Variants in SMIM47 observed in about 807,000 individuals in gnomAD.
SMIM47 encodes the protein CTD-2568A17.1.
chr19:50,785,755 T>G, the SMIM47 span: 1 of 398,434 alleles, frequency 2.5e-6, no homozygotes, highest in Non-Finnish European at 4.4e-6. Context: ...TTATCTGGCC[T>G]CAGAGCGATG....
At chr19:50,785,758 G>A in the SMIM47 span, 10 of 398,370 alleles carry the variant, frequency 2.5e-5, no homozygotes, top group Non-Finnish European at 4.4e-5. Context: ...TCTGGCCTCA[G>A]AGCGATGGCA....
the SMIM47 span, chr19:50,785,856 T>C: frequency 2.5e-6 from 1 of 398,656 alleles, no homozygotes; most frequent in Non-Finnish European, 4.4e-6. Flanking sequence ...TATACAGAGA[T>C]GTGGGAGAGA....
At chr19:50,786,041 G>A in the SMIM47 span, 1 of 398,998 alleles carries the variant, frequency 2.5e-6, no homozygotes, top group East Asian at 3.6e-5. Context: ...TCCCCTCCCT[G>A]CCCTCTGCCC....
chr19:50,785,961 G>A, the SMIM47 span: 1 of 398,916 alleles, frequency 2.5e-6, no homozygotes, highest in Non-Finnish European at 4.4e-6. Context: ...GAAATAGATG[G>A]AGGTCAGGAT....
the SMIM47 span, chr19:50,785,832 G>A: frequency 2.5e-6 from 1 of 398,714 alleles, no homozygotes; most frequent in African/African-American, 2.1e-5. Flanking sequence ...GCCTGAGAGA[G>A]GAAAACAGGG....
chr19:50,785,955 T>C, the SMIM47 span: 3 of 398,634 alleles, frequency 7.5e-6, no homozygotes, highest in Non-Finnish European at 1.3e-5. Context: ...GTTGAAGAAA[T>C]AGATGGAGGT....
At chr19:50,785,731 G>A in the SMIM47 span, 2 of 397,742 alleles carry the variant, frequency 5.0e-6, no homozygotes, top group African/African-American at 2.1e-5. Flanking sequence ...CAGGATGTGC[G>A]GATTCAGTTA....
chr19:50,785,852 G>A, the SMIM47 span: 1 of 398,690 alleles, frequency 2.5e-6, no homozygotes. Flanking sequence ...GACATATACA[G>A]AGATGTGGGA....
chr19:50,785,798 G>A, the SMIM47 span: 2 of 398,532 alleles, frequency 5.0e-6, no homozygotes, highest in African/African-American at 2.1e-5. Context: ...TGTGCGGGGA[G>A]GTCCTGTGTC....
At chr19:50,786,086 T>G in the SMIM47 span, 5 of 399,084 alleles carry the variant, frequency 1.3e-5, no homozygotes, top group Non-Finnish European at 1.8e-5. Flanking sequence ...AGACCCCTCC[T>G]CACTTCCTGA....
At chr19:50,785,838 CAG>C in the SMIM47 span, 3 of 398,716 alleles carry the variant, frequency 7.5e-6, no homozygotes, top group Admixed American at 4.4e-5. Context: ...GAGAGGAAAA[CAG>C]GGACATATAC....
chr19:50,785,918 C>G, the SMIM47 span: 2 of 398,962 alleles, frequency 5.0e-6, no homozygotes, highest in East Asian at 7.1e-5. Flanking sequence ...ACTCAGCCCC[C>G]ACCTCCGCTC....
At chr19:50,785,786 C>T in the SMIM47 span, 1 of 398,604 alleles carries the variant, frequency 2.5e-6, no homozygotes. Flanking sequence ...AGGCAGGGCT[C>T]TTGTGCGGGG....
the SMIM47 span, chr19:50,785,936 G>T: frequency 2.5e-6 from 1 of 399,118 alleles, no homozygotes; most frequent in Non-Finnish European, 4.4e-6. Flanking sequence ...CTCTTCTCCC[G>T]CTCACCTTGT....
the SMIM47 span, chr19:50,785,871 G>C: frequency 1.5e-4 from 59 of 398,822 alleles, no homozygotes; most frequent in Admixed American, 2.6e-4. Flanking sequence ...GAGAGAAAGA[G>C]AGACCAAGAT....
At chr19:50,785,946 T>C in the SMIM47 span, 1 of 398,986 alleles carries the variant, frequency 2.5e-6, no homozygotes. Context: ...GCTCACCTTG[T>C]TGAAGAAATA....
the SMIM47 span, chr19:50,785,839 A>G: frequency 5.0e-6 from 2 of 398,758 alleles, no homozygotes; most frequent in Non-Finnish European, 8.8e-6. Context: ...AGAGGAAAAC[A>G]GGGACATATA....
the SMIM47 span, chr19:50,786,056 C>G: frequency 5.0e-6 from 2 of 399,224 alleles, no homozygotes; most frequent in Non-Finnish European, 8.8e-6. Flanking sequence ...CTGCCCAGCC[C>G]CAGGCCTCCC....
At chr19:50,785,895 C>A in the SMIM47 span, 5 of 398,966 alleles carry the variant, frequency 1.3e-5, no homozygotes, top group East Asian at 1.8e-4. Flanking sequence ...AGAACTGGAC[C>A]AGGGAGACAG....
Sources: allele counts gnomAD v4.1 joint callset, GRCh38; gene constraint gnomAD v4.1.1; transcripts MANE v1.5; gene names NCBI Gene and HGNC (gene_info 2026-07-23, HGNC 2026-07-21).